The following DPP6 variants were observed in gnomAD, a reference collection of about 807,000 sequenced individuals.
DPP6 encodes the protein A-type potassium channel modulatory protein DPP6.
DPP6 carries 69 observed loss-of-function variants against 122.6 expected under a neutral mutation model. The observed-to-expected ratio is 0.56, with a 90% CI of 0.46 to 0.69. DPP6 has a LOEUF of 0.69. Among genes scored for constraint, DPP6 ranks in the 30% least tolerant of loss-of-function variants. The pLI is 0.00. For missense variants in DPP6, 928 were observed against 1,116.9 expected (o/e 0.83, Z 2.41); for synonymous variants, 418 against 433.1 (o/e 0.97, Z 0.43).
intron 3 of DPP6, among the ~76,000 whole-genome samples, chr7:154,491,742 C>G (rs115815496): frequency 6.6e-6 from 1 of 152,100 alleles, no homozygotes; most frequent in South Asian, 2.1e-4. Flanking sequence ...AATTTGAAAC[C>G]GACACCACTG....
At chr7:154,347,750 A>G (rs1228195310) in intron 1 of DPP6, among the ~76,000 whole-genome samples, 7 of 152,226 alleles carry the variant, frequency 4.6e-5, no homozygotes, top group Non-Finnish European at 7.3e-5. Context: ...TGATCCCATT[A>G]GAGGAGCAGA....
intron 1 of DPP6, among the ~76,000 whole-genome samples, chr7:154,437,402 T>A (rs559473127): frequency 6.6e-6 from 1 of 152,316 alleles, no homozygotes; most frequent in South Asian, 2.1e-4. Flanking sequence ...CCGTGAACAT[T>A]CTGCCGTGCC....
the DPP6 span, among the ~76,000 whole-genome samples, chr7:153,849,454 C>T: frequency 3.9e-5 from 6 of 152,188 alleles, no homozygotes; most frequent in South Asian, 1.2e-3. Flanking sequence ...CAGGATTTGT[C>T]TCATTTCCTG....
At chr7:154,058,881 C>T (rs1394627946) in intron 1 of DPP6, 1 of 149,410 alleles carries the variant, frequency 6.7e-6, no homozygotes. Context: ...GAGGCACCCC[C>T]TACGAGAGTG....
intron 8 of DPP6, among the ~76,000 whole-genome samples, chr7:154,748,567 C>G (rs957296556): frequency 6.6e-6 from 1 of 152,224 alleles, no homozygotes; most frequent in Non-Finnish European, 1.5e-5. Context: ...TGAAAAACCC[C>G]TGCGAGCCCT....
intron 1 of DPP6, among the ~76,000 whole-genome samples, chr7:154,085,010 A>AAAG (rs908943946): frequency 6.7e-6 from 1 of 149,416 alleles, no homozygotes; most frequent in Non-Finnish European, 1.5e-5. Context: ...AAAAAAAAAA[A>AAAG]ACAGGTGCCT....
At position 154,520,130 on chromosome 7, in the gene DPP6, A is replaced by G. The variant is rs568053503; in HGVS notation, c.458-20402A>G. On this transcript the variant is annotated intron_variant, in intron 3 of 25. Coordinates refer to ENST00000377770, the MANE Select transcript of DPP6 (RefSeq NM_130797.4). ...AGTCAGAGTATGATTGTATTTCTTTATTAAGATTAAAGTCAGCTCTCAGCA... is the reference window on the plus strand; with the variant it reads ...AGTCAGAGTATGATTGTATTTCTTTGTTAAGATTAAAGTCAGCTCTCAGCA... Among the ~76,000 whole-genome samples, 33 of 152,314 alleles carry G rather than the reference A, an allele frequency of 2.2e-4. 1 individual carries two copies. Among genetic ancestry groups the G allele is most frequent in the African/African-American group, 7.7e-4 (32 of 41,570 alleles).
At position 153,974,734 on chromosome 7, in the gene DPP6, C is replaced by T. The variant is rs559558520; in HGVS notation, c.51+87000C>T. Among the ~76,000 whole-genome samples, 126 of 152,232 alleles carry T rather than the reference C, an allele frequency of 8.3e-4. 1 individual carries two copies. The highest frequency in any genetic ancestry group is 2.7e-3 in the African/African-American group (114 of 41,552). Reference sequence around the variant, plus strand: ...TCACATCTAGTCTCATTTCAGGGTCCGTTTGTTGACACTTGAAGTCAAGCG... The same window carrying T: ...TCACATCTAGTCTCATTTCAGGGTCTGTTTGTTGACACTTGAAGTCAAGCG... On this transcript the variant is annotated intron_variant, in intron 1 of 25. Transcript: ENST00000404039.
Position 154,892,546 on chromosome 7 carries a change from G to GC in DPP6, c.*69dup. 1 of 1,509,584 alleles carries GC rather than the reference G, an allele frequency of 6.6e-7. No homozygotes were observed. The allele number at this position is 1,509,584 out of a possible 1,614,324, so 93.5% of individuals were successfully genotyped here. Reference sequence around the variant, plus strand: ...CCAGATGCAACCGAGGGATTTCCCTGCCCTCCCTCTTCCCTCGGAGGGGCG... The same window carrying GC: ...CCAGATGCAACCGAGGGATTTCCCTGCCCCTCCCTCTTCCCTCGGAGGGGCG... On this transcript the variant is annotated 3_prime_UTR_variant, in exon 26 of 26. Coordinates refer to ENST00000377770, the MANE Select transcript of DPP6 (RefSeq NM_130797.4).
At chr7:154,209,130 T>A (rs1013055277) in intron 1 of DPP6, among the ~76,000 whole-genome samples, 1 of 152,210 alleles carries the variant, frequency 6.6e-6, no homozygotes, top group African/African-American at 2.4e-5. Flanking sequence ...GCCATCTTGA[T>A]TCACGTAACA....
rs3102257 is a variant in DPP6 at position 154,158,529 on chromosome 7, G to T, written c.243+105466G>T. Among the ~76,000 whole-genome samples the T allele has an allele frequency of 1.6e-3, 247 of 151,322 alleles. 5 individuals are homozygous for T. The highest frequency in any genetic ancestry group is 5.7e-3 in the African/African-American group (233 of 41,092). On this transcript the variant is annotated intron_variant, in intron 1 of 25. Coordinates refer to ENST00000377770, the MANE Select transcript of DPP6 (RefSeq NM_130797.4). ...CATTACTATATTTTGAGGCTATTCC[G>T]AAGAAACAGATTTTGTTCTTTTTGA...
At chr7:154,667,173 C>CTT (rs34461621) in intron 6 of DPP6, among the ~76,000 whole-genome samples, 3 of 147,692 alleles carry the variant, frequency 2.0e-5, no homozygotes, top group African/African-American at 7.4e-5. Flanking sequence ...ATATTTTTAT[C>CTT]TTTTTTTTTT....
intron 1 of DPP6, among the ~76,000 whole-genome samples, chr7:154,216,569 C>A (rs1426593856): frequency 6.6e-6 from 1 of 152,184 alleles, no homozygotes; most frequent in Non-Finnish European, 1.5e-5. Flanking sequence ...TACAAATCCA[C>A]CTTCATCCAT....
intron 2 of DPP6, among the ~76,000 whole-genome samples, chr7:154,453,922 C>T (rs1232324890): frequency 1.3e-5 from 2 of 152,138 alleles, no homozygotes; most frequent in East Asian, 1.9e-4. Context: ...CCCACATAAT[C>T]TCAATGAAAA....
intron 1 of DPP6, among the ~76,000 whole-genome samples, chr7:154,139,265 C>G (rs1230492442): frequency 1.5e-5 from 2 of 129,850 alleles, no homozygotes; most frequent in African/African-American, 3.1e-5. Context: ...AACCAGGGAA[C>G]CTGAAGGTGT....
At chr7:154,310,507 C>T (rs1017214024) in intron 1 of DPP6, among the ~76,000 whole-genome samples, 1 of 152,212 alleles carries the variant, frequency 6.6e-6, no homozygotes, top group African/African-American at 2.4e-5. Flanking sequence ...ACAATGGAAA[C>T]AGTGTTTCTG....
intron 3 of DPP6, among the ~76,000 whole-genome samples, chr7:154,503,457 C>T (rs6949679): frequency 0.53 from 80,710 of 151,994 alleles, 21,676 homozygotes; most frequent in Middle Eastern, 0.6. Context: ...TCTTATGTAA[C>T]TACTGGAGGC....
the DPP6 span, among the ~76,000 whole-genome samples, chr7:153,856,286 T>C: frequency 6.6e-6 from 1 of 152,148 alleles, no homozygotes; most frequent in African/African-American, 2.4e-5. Flanking sequence ...CACTACAAGG[T>C]CACTGGTCTT....
intron 8 of DPP6, among the ~76,000 whole-genome samples, chr7:154,749,059 G>T (rs1370952216): frequency 6.7e-6 from 1 of 150,154 alleles, no homozygotes; most frequent in Non-Finnish European, 1.5e-5. Flanking sequence ...GAGGGTGAGG[G>T]AGCATAGGAT....
Sources: gnomAD v4.1 joint callset for allele counts (sites outside exome capture counted in the v4.1 genomes callset) on GRCh38, gnomAD v4.1.1 for gene constraint, MANE v1.5 for transcripts, NCBI Gene and HGNC (gene_info 2026-07-23, HGNC 2026-07-21) for gene names.